Variants in OTUD7A observed in about 807,000 individuals in gnomAD.
The protein encoded by OTUD7A is OTU domain-containing protein 7A.
In OTUD7A, 12 loss-of-function variants were observed where a neutral mutation model predicts 65.7. The observed-to-expected ratio is 0.18, with a 90% CI of 0.12 to 0.30. The LOEUF (loss-of-function observed/expected upper bound fraction) is 0.30. OTUD7A is among the 10% of genes least tolerant of loss of function. The probability of loss-of-function intolerance (pLI) is 1.00; values close to 1 mark genes in which losing one functional copy is unlikely to be tolerated. For synonymous variants in OTUD7A, 641 were observed against 586.3 expected, an observed-to-expected ratio of 1.09 and a Z score of -1.35; for missense variants, 1,148 against 1,304.8, an observed-to-expected ratio of 0.88 and a Z score of 1.85.
chr15:31,815,892 G>C (rs1156913992), intron 1 of OTUD7A, among the ~76,000 whole-genome samples: 1 of 152,222 alleles, frequency 6.6e-6, no homozygotes, highest in Non-Finnish European at 1.5e-5. Context: ...TTGCCCATAG[G>C]ACAGATGTTC....
At chr15:31,642,080 T>C (rs1252307866) in intron 3 of OTUD7A, among the ~76,000 whole-genome samples, 1 of 152,216 alleles carries the variant, frequency 6.6e-6, no homozygotes, top group Non-Finnish European at 1.5e-5. Context: ...TTGAGGAAGT[T>C]TTCTTCTATT....
intron 8 of OTUD7A, among the ~76,000 whole-genome samples, chr15:31,524,304 T>C (rs1017904945): frequency 6.6e-6 from 1 of 152,178 alleles, no homozygotes; most frequent in African/African-American, 2.4e-5. Flanking sequence ...TGAGGGATTT[T>C]GTTAGGCTGT....
At chr15:31,655,776 A>C (rs1477331254) in intron 2 of OTUD7A, among the ~76,000 whole-genome samples, 2 of 152,212 alleles carry the variant, frequency 1.3e-5, no homozygotes. Context: ...TATTAATTCC[A>C]ATAACTGATG....
Position 31,528,489 on chromosome 15 carries a change from C to A in OTUD7A, c.653-1181G>T, listed in dbSNP as rs986196375. On this transcript the variant is annotated intron_variant, in intron 6 of 12. Coordinates refer to ENST00000307050, the MANE Select transcript of OTUD7A (RefSeq NM_001382637.1). ...ATGTGAACTGATGTTTTCAAAGGCT[C>A]AACTGGCTGGGCATCTTTGGATATG... Among the ~76,000 whole-genome samples, 4 of 152,260 alleles carry A rather than the reference C, an allele frequency of 2.6e-5. No individual in the cohort carries two copies. In the East Asian group the frequency reaches 7.7e-4, roughly 29 times the overall value.
At chr15:31,817,217 T>TTG (rs1896571901) in intron 1 of OTUD7A, among the ~76,000 whole-genome samples, 1 of 151,630 alleles carries the variant, frequency 6.6e-6, no homozygotes, top group Admixed American at 6.6e-5. Context: ...TCATCCAATT[T>TTG]AAGTCAGTTA....
Position 31,790,116 on chromosome 15 carries a change from C to T in OTUD7A, c.-100+80391G>A, listed in dbSNP as rs565333605. The stretch of plus-strand genomic sequence containing the variant: ...TGGAGCCACCACCGCCCTATAAAGT[C>T]ACATTGACGGGAGTACATCACACTT... On this transcript the variant is annotated intron_variant, in intron 1 of 12. Transcript: ENST00000307050. 1.8e-4 allele frequency among the ~76,000 whole-genome samples: 27 copies of T among 152,330 alleles called. 1 individual carries two copies. The East Asian group carries it at 5.0e-3, about 28-fold the overall frequency.
chr15:31,849,521 A>G (rs1897369315), intron 1 of OTUD7A, among the ~76,000 whole-genome samples: 1 of 152,226 alleles, frequency 6.6e-6, no homozygotes, highest in Non-Finnish European at 1.5e-5. Flanking sequence ...AAACACCAAA[A>G]GCAACGGCAA....
chr15:31,635,473 G>A (rs1366839706), intron 3 of OTUD7A, among the ~76,000 whole-genome samples: 1 of 152,204 alleles, frequency 6.6e-6, no homozygotes, highest in Non-Finnish European at 1.5e-5. Context: ...CTTCCCAGCA[G>A]CCAATGGAAC....
rs912800394 is a variant in OTUD7A at position 31,487,903 on chromosome 15, T to A, written c.1172-337A>T. On this transcript the variant is annotated intron_variant, in intron 10 of 12. Coordinates refer to ENST00000307050, the MANE Select transcript of OTUD7A (RefSeq NM_001382637.1). This position sits in a 1 kb window ranked among gnomAD's most constrained non-coding sequence, Gnocchi z 6.0. ...GGATCTAGGCAGGTTAGGCACACTT[T>A]GGGAGGCCACCTTGCAGGTGGGCCT... 3.9e-5 allele frequency among the ~76,000 whole-genome samples: 6 copies of A among 152,138 alleles called. No homozygotes were observed. Among genetic ancestry groups the A allele is most frequent in the Non-Finnish European group, 4.4e-5 (3 of 68,022 alleles).
chr15:31,753,704 A>ATATATATATATATATATATAT, intron 1 of OTUD7A, among the ~76,000 whole-genome samples: 2 of 15,300 alleles, frequency 1.3e-4, no homozygotes, highest in South Asian at 3.1e-3. Context: ...TATATATATT[A>ATATATATATATATATATATAT]TATATATATA....
chr15:31,714,432 T>C (rs951877610), intron 1 of OTUD7A, among the ~76,000 whole-genome samples: 4 of 152,022 alleles, frequency 2.6e-5, no homozygotes, highest in African/African-American at 7.2e-5. Context: ...GGAGAAAGAA[T>C]AGGGAGAAGG....
chr15:31,869,440 C>T (rs943038618), intron 1 of OTUD7A, among the ~76,000 whole-genome samples: 10 of 152,204 alleles, frequency 6.6e-5, no homozygotes, highest in African/African-American at 2.4e-4. Context: ...CCGCTGTCAA[C>T]CTTTTCCTGG....
At chr15:31,821,992 T>C (rs1028261256) in intron 1 of OTUD7A, among the ~76,000 whole-genome samples, 2 of 152,272 alleles carry the variant, frequency 1.3e-5, no homozygotes, top group Admixed American at 6.5e-5. Flanking sequence ...GAGTTCTTTA[T>C]ATATTCTGGA....
At chr15:31,621,667 G>T (rs1471792230) in intron 3 of OTUD7A, among the ~76,000 whole-genome samples, 1 of 152,052 alleles carries the variant, frequency 6.6e-6, no homozygotes, top group African/African-American at 2.4e-5. Flanking sequence ...GTCTCTGCAT[G>T]TGAGATGGAT....
chr15:31,570,317 G>T, intron 3 of OTUD7A, 120 bp from the exon 4 acceptor site: 1 of 1,181,288 alleles, frequency 8.5e-7, no homozygotes, highest in African/African-American at 1.5e-5. Context: ...ATTTTTACCA[G>T]TAGTTCTTGT....
intron 1 of OTUD7A, among the ~76,000 whole-genome samples, chr15:31,669,954 CT>C (rs1424096418): frequency 6.9e-6 from 1 of 144,928 alleles, no homozygotes; most frequent in Admixed American, 6.8e-5. Flanking sequence ...AGAGCAGGAT[CT>C]CCCTTTTCCA....
At chr15:31,799,742 C>T (rs1896069567) in intron 1 of OTUD7A, among the ~76,000 whole-genome samples, 1 of 152,156 alleles carries the variant, frequency 6.6e-6, no homozygotes, top group East Asian at 1.9e-4. Flanking sequence ...TTATGGCAGC[C>T]TGAGCTTACT....
chr15:31,501,448 A>T lies in OTUD7A; in HGVS notation c.1171+242T>A, dbSNP rs543020844. On this transcript the variant is annotated intron_variant, in intron 10 of 12. Transcript: ENST00000307050. ...AAGGGAAAACAGTAAAAGCTATTTA[A>T]GGGTAGGTTGCCTTTGTTTAGTATT... Among the ~76,000 whole-genome samples, 6 of 152,364 alleles carry T rather than the reference A, an allele frequency of 3.9e-5. No homozygotes were observed. The South Asian group carries it at 1.2e-3, about 32-fold the overall frequency.
rs998975517 is a variant in OTUD7A, at chr15:31,483,889, G to C, written c.2207C>G (p.Pro736Arg). ...LKLKERPSPGPAAGRAARAAA... is the reference protein window; with the variant it reads ...LKLKERPSPGRAAGRAARAAA... ...CGCCCGCGCCGCACGCCCTGCCGCG[G>C]GCCCGGGGCTCGGCCGCTCCTTGAG... The change falls in exon 13 of 13, where the codon CCC (proline) becomes CGC (arginine). Residue 736 changes from proline (P) to arginine (R), a missense_variant. Transcript: ENST00000307050. 1 of 999,050 alleles carries C rather than the reference G, an allele frequency of 1.0e-6. No individual in the cohort carries two copies. The highest frequency in any genetic ancestry group is 1.8e-5 in the African/African-American group (1 of 56,832). The allele number at this position is 999,050 out of a possible 1,614,324, so 61.9% of individuals were successfully genotyped here.
Sources: allele counts gnomAD v4.1 joint callset (sites outside exome capture counted in the v4.1 genomes callset), GRCh38; gene constraint gnomAD v4.1.1; non-coding constraint Gnocchi (gnomAD v3.1); transcripts MANE v1.5; gene names NCBI Gene and HGNC (gene_info 2026-07-23, HGNC 2026-07-21).